YARS2: variants seen among roughly 807,000 people sequenced by gnomAD.
YARS2 encodes tyrosine--tRNA ligase, mitochondrial.
Under a neutral mutation model 45.0 loss-of-function variants are expected in YARS2, and 38 were observed. The ratio of observed to expected loss-of-function variants is 0.84; its 90% CI spans 0.65 to 1.11. The LOEUF is 1.11. Among genes scored for constraint, YARS2 ranks in the 50% least tolerant of loss-of-function variants. The pLI is 0.00. For synonymous variants in YARS2, 287 were observed against 245.1 expected, an observed-to-expected ratio of 1.17 and a Z score of -1.60; for missense variants, 602 against 599.8, an observed-to-expected ratio of 1.00 and a Z score of -0.04.
intron 2 of YARS2, among the ~76,000 whole-genome samples, chr12:32,751,624 C>A (rs1955746729): frequency 6.6e-6 from 1 of 152,152 alleles, no homozygotes; most frequent in East Asian, 1.9e-4. Context: ...CGGTCCCCAA[C>A]CTTTTTGGCA....
chr12:32,754,690 CT>C (rs1459963748), intron 1 of YARS2, among the ~76,000 whole-genome samples: 1 of 150,290 alleles, frequency 6.7e-6, no homozygotes, highest in African/African-American at 2.5e-5. Context: ...CCGACCAAAT[CT>C]TCACTAGTGG....
chr12:32,755,113 T>C lies in YARS2; in HGVS notation c.762A>G (p.Gly254=), dbSNP rs774446071. Residue 254 remains glycine, a synonymous_variant, in exon 1 of 5, where the codon GGA becomes GGG. Coordinates refer to ENST00000324868, the MANE Select transcript of YARS2 (RefSeq NM_001040436.3). ...GSDQLGNIMS[G]YEFINKLTGE... is the part of the protein sequence containing the mutation. Reference sequence around the variant, plus strand: ...GCACTTACTTGTTGATGAACTCATATCCGGACATGATGTTGCCTAGTTGAT... The same window carrying C: ...GCACTTACTTGTTGATGAACTCATACCCGGACATGATGTTGCCTAGTTGAT... 2.5e-6 allele frequency: 4 copies of C among 1,614,184 alleles called. No individual in the cohort carries two copies. Among genetic ancestry groups the C allele is most frequent in the Non-Finnish European group, 3.4e-6 (4 of 1,180,024 alleles).
intron 2 of YARS2, among the ~76,000 whole-genome samples, chr12:32,751,677 G>A (rs760241090): frequency 1.4e-4 from 22 of 152,180 alleles, no homozygotes; most frequent in Non-Finnish European, 2.5e-4. Context: ...GAATGAAACT[G>A]TTCCACTTCA....
Position 32,755,223 on chromosome 12 carries a change from C to T in YARS2, c.652G>A (p.Glu218Lys). The change falls in exon 1 of 5, where the codon GAG becomes AAG. Residue 218 changes from glutamate to lysine, a missense_variant. Physicochemically the swap from Glu to Lys is moderately conservative, Grantham distance 56 (BLOSUM62 1). Coordinates refer to ENST00000324868, the MANE Select transcript of YARS2 (RefSeq NM_001040436.3). ...LKSPEGMSLAEFFYQVLQAYD... is the reference protein window; with the variant it reads ...LKSPEGMSLAKFFYQVLQAYD... The stretch of plus-strand genomic sequence containing the variant: ...GCCTGGAGCACCTGGTAAAAGAACT[C>T]GGCCAAGCTCATGCCCTCGGGGCTC... The T allele has an allele frequency of 6.2e-7, 1 of 1,614,188 alleles. No homozygotes were observed. The highest frequency in any genetic ancestry group is 8.5e-7 in the Non-Finnish European group (1 of 1,180,042).
In YARS2 at chr12:32,755,088, GCACTTACTTGTTGA is replaced by G; in HGVS notation, c.773_779+7del. The G allele has an allele frequency of 6.2e-7, 1 of 1,614,142 alleles. No individual in the cohort carries two copies. Among genetic ancestry groups the G allele is most frequent in the Non-Finnish European group, 8.5e-7 (1 of 1,180,026 alleles). ...CCCAGGATTTCCCCAAGGTTTAAAG[GCACTTACTTGTTGA>G]TGAACTCATATCCGGACATGATGTT... On this transcript the variant is annotated splice_donor_variant and splice_donor_5th_base_variant and coding_sequence_variant and intron_variant, in exon 1 of 5. Coordinates refer to ENST00000324868, the MANE Select transcript of YARS2 (RefSeq NM_001040436.3). LOFTEE classifies it high-confidence loss of function.
Position 32,755,212 on chromosome 12 carries a change from G to C in YARS2, c.663C>G (p.Tyr221Ter). The change falls in exon 1 of 5, where the codon TAC becomes TAG. Residue 221 changes from tyrosine to a stop codon, truncating the protein, a stop_gained. Transcript: ENST00000324868. LOFTEE classifies it high-confidence loss of function. ...AGAAGTCATAGGCCTGGAGCACCTG[G>C]TAAAAGAACTCGGCCAAGCTCATGC... ...PEGMSLAEFF[Y>*]QVLQAYDFYY... 1 of 1,614,172 alleles carries C rather than the reference G, an allele frequency of 6.2e-7. No individual in the cohort carries two copies. Among genetic ancestry groups the C allele is most frequent in the South Asian group, 1.1e-5 (1 of 91,086 alleles).
At chr12:32,752,479 G>A (rs1955763785) in intron 2 of YARS2, among the ~76,000 whole-genome samples, 1 of 152,072 alleles carries the variant, frequency 6.6e-6, no homozygotes, top group Non-Finnish European at 1.5e-5. Flanking sequence ...TCTAGGCCGG[G>A]TGCGGTAGCT....
Position 32,755,502 on chromosome 12 carries a change from G to A in YARS2, c.373C>T (p.Arg125Cys). The A allele has an allele frequency of 6.2e-7, 1 of 1,612,282 alleles. No individual in the cohort carries two copies. The highest frequency in any genetic ancestry group is 2.2e-5 in the East Asian group (1 of 44,834). The change falls in exon 1 of 5, where the codon CGT becomes TGT. Residue 125 changes from arginine (R) to cysteine (C), a missense_variant. Coordinates refer to ENST00000324868, the MANE Select transcript of YARS2 (RefSeq NM_001040436.3). ...ATARLGDPSG[R>C]TKEREALETE... Reference sequence around the variant, plus strand: ...TCCAGCGCCTCGCGTTCCTTGGTACGGCCGCTCGGGTCTCCCAGGCGCGCC... The same window carrying A: ...TCCAGCGCCTCGCGTTCCTTGGTACAGCCGCTCGGGTCTCCCAGGCGCGCC...
intron 4 of YARS2, among the ~76,000 whole-genome samples, chr12:32,749,701 C>T (rs1431290900): frequency 4.6e-5 from 7 of 152,282 alleles, no homozygotes; most frequent in Admixed American, 6.5e-5. Flanking sequence ...CTGCCTCAGC[C>T]TCCCAAGTAG....
intron 4 of YARS2, among the ~76,000 whole-genome samples, chr12:32,748,395 G>C (rs770825962): frequency 1.4e-4 from 21 of 151,952 alleles, no homozygotes; most frequent in Non-Finnish European, 2.6e-4. Context: ...ATTTTACGCT[G>C]TCTGCTAGTT....
rs1555135749 is a variant in YARS2 at position 32,750,862 on chromosome 12, C to T, written c.960G>A (p.Leu320=). 1.2e-6 allele frequency: 2 copies of T among 1,614,034 alleles called. No homozygotes were observed. The highest frequency in any genetic ancestry group is 1.7e-5 in the Admixed American group (1 of 60,020). ...TCTCTGGAAGGGGCAGGAAAGTGAA[C>T]AGCTTCAGGTACCTTTGAGACAAAA... ...PDDSVERYLK[L]FTFLPLPEID... The change falls in exon 3 of 5, where the codon CTG becomes CTA. Residue 320 remains leucine (L), a synonymous_variant. Transcript: ENST00000324868.
intron 2 of YARS2, chr12:32,752,865 A>G (rs938286135): frequency 6.7e-5 from 20 of 296,448 alleles, no homozygotes; most frequent in Non-Finnish European, 1.0e-4. Context: ...AAATTTTGTA[A>G]TAAGGCATGA....
At chr12:32,748,967 T>C (rs1955689963) in intron 4 of YARS2, among the ~76,000 whole-genome samples, 1 of 152,220 alleles carries the variant, frequency 6.6e-6, no homozygotes, top group Non-Finnish European at 1.5e-5. Flanking sequence ...GCATCAATTA[T>C]ATGCTGAATT....
chr12:32,750,172 A>C lies in YARS2; in HGVS notation c.1104-65T>G, dbSNP rs1041163290. 6 of 1,588,380 alleles carry C rather than the reference A, an allele frequency of 3.8e-6. No homozygotes were observed. In the Admixed American group the frequency reaches 8.4e-5, roughly 22 times the overall value. On this transcript the variant is annotated intron_variant, in intron 3 of 4. Coordinates refer to ENST00000324868, the MANE Select transcript of YARS2 (RefSeq NM_001040436.3). ...TATTCAAATACATGTTCTAATACCCATTAACCAATTATAGAGTGTCCAAGT... is the reference window on the plus strand; with the variant it reads ...TATTCAAATACATGTTCTAATACCCCTTAACCAATTATAGAGTGTCCAAGT...
Position 32,747,247 on chromosome 12 carries a change from A to G in YARS2, c.1391T>C (p.Ile464Thr), listed in dbSNP as rs752447466. The change falls in exon 5 of 5, where the codon ATA becomes ACA. Residue 464 changes from isoleucine (I) to threonine (T), a missense_variant. Physicochemically the swap from Ile to Thr is moderately conservative, Grantham distance 89 (BLOSUM62 -1). Transcript: ENST00000324868. ...ILKNGLSLLK[I>T]GKRNFYIIKW... ...TATAATGTAGAAATTTCTTTTTCCT[A>G]TTTTAAGTAAGGAAAGTCCATTCTT... is the stretch of plus-strand genomic sequence containing the variant. 18 of 1,613,552 alleles carry G rather than the reference A, an allele frequency of 1.1e-5. No individual in the cohort carries two copies. The highest frequency in any genetic ancestry group is 1.5e-5 in the Non-Finnish European group (18 of 1,179,844).
At chr12:32,754,487 C>T (rs900043010) in intron 1 of YARS2, among the ~76,000 whole-genome samples, 3 of 152,272 alleles carry the variant, frequency 2.0e-5, no homozygotes, top group East Asian at 3.9e-4. Flanking sequence ...GCTATTAGAC[C>T]CGCATTACTT....
At position 32,750,943 on chromosome 12, in the gene YARS2, C is replaced by T. The variant is rs147512680; in HGVS notation, c.948-69G>A. On this transcript the variant is annotated intron_variant, in intron 2 of 4. Coordinates refer to ENST00000324868, the MANE Select transcript of YARS2 (RefSeq NM_001040436.3). ...AATTTTTATCTCCAGCTCTTCTACC[C>T]TTTAAGGTTATCCTGCTTACTTTTA... 1.9e-4 allele frequency: 291 copies of T among 1,565,854 alleles called. 2 individuals are homozygous for T. In the East Asian group the frequency reaches 5.5e-3, roughly 29 times the overall value.
chr12:32,755,325 C>T lies in YARS2; in HGVS notation c.550G>A (p.Asp184Asn). Residue 184 changes from aspartate to asparagine, a missense_variant, in exon 1 of 5, where the codon GAC (aspartate) becomes AAC (asparagine). Coordinates refer to ENST00000324868, the MANE Select transcript of YARS2 (RefSeq NM_001040436.3). ...TGACCCCCCACTGCCGCCAGGAAGT[C>T]CACCAGGTGCTGCTTCTGGTACCAG... ...SAWYQKQHLV[D>N]FLAAVGGHFR... is the part of the protein sequence containing the mutation. The T allele has an allele frequency of 6.2e-7, 1 of 1,614,144 alleles. No homozygotes were observed. Among genetic ancestry groups the T allele is most frequent in the Non-Finnish European group, 8.5e-7 (1 of 1,180,038 alleles).
At position 32,755,348 on chromosome 12, in the gene YARS2, C is replaced by G; in HGVS notation, c.527G>C (p.Trp176Ser). ...GSFTVLDNSA[W>S]YQKQHLVDFL... The stretch of plus-strand genomic sequence containing the variant: ...GTCCACCAGGTGCTGCTTCTGGTAC[C>G]AGGCCGAGTTGTCCAGCACAGTGAA... The change falls in exon 1 of 5, where the codon TGG (tryptophan) becomes TCG (serine). Residue 176 changes from tryptophan (W) to serine (S), a missense_variant. Trp to Ser is a radical substitution (Grantham distance 177). Coordinates refer to ENST00000324868, the MANE Select transcript of YARS2 (RefSeq NM_001040436.3). 1 of 1,614,152 alleles carries G rather than the reference C, an allele frequency of 6.2e-7. No homozygotes were observed. Among genetic ancestry groups the G allele is most frequent in the South Asian group, 1.1e-5 (1 of 91,084 alleles).
Sources: gnomAD v4.1 joint callset for allele counts (sites outside exome capture counted in the v4.1 genomes callset) on GRCh38, gnomAD v4.1.1 for gene constraint, MANE v1.5 for transcripts, NCBI Gene and HGNC (gene_info 2026-07-23, HGNC 2026-07-21) for gene names.